The following ESF1 variants were observed in gnomAD, a reference collection of about 807,000 sequenced individuals.
ESF1 encodes ESF1 homolog.
Under a neutral mutation model 92.0 loss-of-function variants are expected in ESF1, and 58 were observed. That is an observed-to-expected ratio of 0.63 (90% confidence interval 0.51 to 0.78). The LOEUF is 0.78. ESF1 is among the 30% of genes least tolerant of loss of function. The pLI is 0.00. For missense variants in ESF1, 922 were observed against 989.1 expected, an observed-to-expected ratio of 0.93 and a Z score of 0.91; for synonymous variants, 321 against 313.7, an observed-to-expected ratio of 1.02 and a Z score of -0.24.
rs552139164 is a variant in ESF1, at chr20:13,718,969, G to C, written c.2054C>G (p.Ser685Trp). 6 of 1,599,932 alleles carry C rather than the reference G, an allele frequency of 3.8e-6. No homozygotes were observed. The African/African-American group carries it at 8.1e-5, about 22-fold the overall frequency. Residue 685 changes from serine to tryptophan, a missense_variant, in exon 12 of 14, where the codon TCG becomes TGG. Coordinates refer to ENST00000617257, the MANE Select transcript of ESF1 (RefSeq NM_001276380.2). ...TGTGCCATCTTTTGCAGATTTTACC[G>C]ATTTTTTATTTATACCTGGCACAAC... is the stretch of plus-strand genomic sequence containing the variant. Reference protein sequence around the residue: ...EVKQIGINKKSVKSAKDGTSP... With the variant: ...EVKQIGINKKWVKSAKDGTSP...
intron 9 of ESF1, among the ~76,000 whole-genome samples, chr20:13,745,579 G>A (rs1326104724): frequency 1.3e-5 from 2 of 152,140 alleles, no homozygotes; most frequent in African/African-American, 4.8e-5. Context: ...AGCCTTCCAA[G>A]TAGCTGGGAT....
chr20:13,734,107 A>G (rs917364917), intron 9 of ESF1, among the ~76,000 whole-genome samples: 2 of 152,198 alleles, frequency 1.3e-5, no homozygotes, highest in Admixed American at 1.3e-4. Flanking sequence ...AACTTGATAC[A>G]TGGTCAAGCC....
chr20:13,755,677 T>C (rs1283750038), intron 9 of ESF1, among the ~76,000 whole-genome samples: 1 of 152,228 alleles, frequency 6.6e-6, no homozygotes, highest in Non-Finnish European at 1.5e-5. Flanking sequence ...TTTATAATCC[T>C]AATTAATAAA....
intron 9 of ESF1, among the ~76,000 whole-genome samples, chr20:13,753,938 A>C (rs987508518): frequency 1.3e-5 from 2 of 152,234 alleles, no homozygotes; most frequent in Admixed American, 1.3e-4. Context: ...TCTCTCTAGT[A>C]GTCTGAGACT....
At chr20:13,761,952 T>A (rs1979220570) in intron 8 of ESF1, among the ~76,000 whole-genome samples, 2 of 152,298 alleles carry the variant, frequency 1.3e-5, no homozygotes, top group South Asian at 2.1e-4. Flanking sequence ...GAAGTCCCTC[T>A]CCTCTATAAC....
At chr20:13,759,533 T>C (rs1468559048) in intron 9 of ESF1, among the ~76,000 whole-genome samples, 159 bp downstream of exon 9, 1 of 152,178 alleles carries the variant, frequency 6.6e-6, no homozygotes. Flanking sequence ...AAAAATAAGT[T>C]GGTAAGAGTC....
chr20:13,769,401 C>G (rs766186083), intron 7 of ESF1, among the ~76,000 whole-genome samples: 10 of 152,142 alleles, frequency 6.6e-5, no homozygotes, highest in Non-Finnish European at 1.3e-4. Flanking sequence ...GGCTTAAATG[C>G]GTAACAAGAA....
chr20:13,754,482 T>C (rs964960674), intron 9 of ESF1, among the ~76,000 whole-genome samples: 3 of 152,202 alleles, frequency 2.0e-5, no homozygotes, highest in African/African-American at 7.2e-5. Context: ...CTCTAATTTA[T>C]ATCTCTACCA....
intron 2 of ESF1, among the ~76,000 whole-genome samples, chr20:13,779,930 G>A (rs1208839126): frequency 6.6e-6 from 1 of 152,158 alleles, no homozygotes; most frequent in Non-Finnish European, 1.5e-5. Context: ...TGCAAGTGCT[G>A]GGCATGAACA....
At chr20:13,732,661 G>A (rs2147732415) in intron 10 of ESF1, among the ~76,000 whole-genome samples, 1 of 152,188 alleles carries the variant, frequency 6.6e-6, no homozygotes, top group East Asian at 1.9e-4. Context: ...GGCTGGACTA[G>A]AATTAATAAT....
chr20:13,749,577 T>A (rs1003134422), intron 9 of ESF1, among the ~76,000 whole-genome samples: 1 of 151,982 alleles, frequency 6.6e-6, no homozygotes, highest in Non-Finnish European at 1.5e-5. Flanking sequence ...TATTTTTTAA[T>A]TTTTTTGAGA....
chr20:13,745,381 T>G (rs2050041553), intron 9 of ESF1, among the ~76,000 whole-genome samples: 1 of 152,260 alleles, frequency 6.6e-6, no homozygotes, highest in Non-Finnish European at 1.5e-5. Context: ...GAATTCTCTG[T>G]AGCCATGAAA....
chr20:13,769,352 CAG>C, intron 7 of ESF1, among the ~76,000 whole-genome samples: 1 of 152,212 alleles, frequency 6.6e-6, no homozygotes, highest in South Asian at 2.1e-4. Context: ...ACAGGAAAGA[CAG>C]AAGAGAAAAA....
chr20:13,766,194 A>G (rs1025554844), intron 8 of ESF1, among the ~76,000 whole-genome samples: 3 of 152,212 alleles, frequency 2.0e-5, no homozygotes, highest in Admixed American at 2.0e-4. Context: ...AAGGATAAAG[A>G]AAAAACATCT....
At position 13,722,592 on chromosome 20, in the gene ESF1, A is replaced by G. The variant is rs2049875102; in HGVS notation, c.2039-3608T>C. On this transcript the variant is annotated intron_variant, in intron 11 of 13. Coordinates refer to ENST00000617257, the MANE Select transcript of ESF1 (RefSeq NM_001276380.2). Reference sequence around the variant, plus strand: ...TAGCTGGGTGTGGTAGCTCACACCTATAATCCCAGCACTTTGGAAGGCTGA... The same window carrying G: ...TAGCTGGGTGTGGTAGCTCACACCTGTAATCCCAGCACTTTGGAAGGCTGA... Among the ~76,000 whole-genome samples the G allele has an allele frequency of 2.0e-5, 3 of 152,152 alleles. No homozygotes were observed. In the South Asian group the frequency reaches 6.2e-4, roughly 32 times the overall value.
intron 2 of ESF1, 58 bp downstream of exon 2, chr20:13,782,446 G>C (rs2147453465): frequency 2.2e-6 from 3 of 1,356,224 alleles, no homozygotes; most frequent in South Asian, 1.9e-5. Flanking sequence ...ATTTTTGAAA[G>C]ATCAGTATAA....
chr20:13,768,605 A>T (rs1334569519), intron 7 of ESF1, among the ~76,000 whole-genome samples: 1 of 151,508 alleles, frequency 6.6e-6, no homozygotes, highest in East Asian at 1.9e-4. Context: ...AAAAAAGAAA[A>T]GGGAGAAGGG....
Position 13,714,483 on chromosome 20 carries a change from T to C in ESF1, c.*391A>G, listed in dbSNP as rs1167272626. The C allele has an allele frequency of 6.5e-6, 1 of 152,724 alleles. No homozygotes were observed. The highest frequency in any genetic ancestry group is 2.4e-5 in the African/African-American group (1 of 41,454). The allele number at this position is 152,724 out of a possible 1,614,324, so 9.5% of individuals were successfully genotyped here. A position where few individuals can be genotyped will look rare whatever the true frequency, so the allele number is the denominator to read the frequency against. On this transcript the variant is annotated 3_prime_UTR_variant, in exon 14 of 14. Transcript: ENST00000617257. ...CCTCCTGCTTCCAGAGAAATTAATG[T>C]ATTAAATATATATATTTTTCAAATT...
chr20:13,761,403 T>C (rs1367082543), intron 8 of ESF1, among the ~76,000 whole-genome samples: 1 of 131,086 alleles, frequency 7.6e-6, no homozygotes, highest in Admixed American at 7.7e-5. Flanking sequence ...AAAATAAAAA[T>C]ACAAAAAATT....
Sources: allele counts gnomAD v4.1 joint callset (sites outside exome capture counted in the v4.1 genomes callset), GRCh38; gene constraint gnomAD v4.1.1; transcripts MANE v1.5; gene names NCBI Gene and HGNC (gene_info 2026-07-23, HGNC 2026-07-21).